MACROD2: variants seen among roughly 807,000 people sequenced by gnomAD.
The protein encoded by MACROD2 is ADP-ribose glycohydrolase MACROD2.
A neutral mutation model predicts 70.4 loss-of-function variants in MACROD2; 36 were observed. The ratio of observed to expected loss-of-function variants is 0.51; its 90% confidence interval spans 0.39 to 0.68. MACROD2 has a LOEUF of 0.68. MACROD2 is among the 30% of genes least tolerant of loss of function. The pLI is 0.00. For synonymous variants in MACROD2, 172 were observed against 178.8 expected (o/e 0.96, Z 0.30); for missense variants, 496 against 538.4 (o/e 0.92, Z 0.78).
intron 6 of MACROD2, among the ~76,000 whole-genome samples, chr20:15,288,635 T>G (rs919589466): frequency 6.6e-6 from 1 of 152,128 alleles, no homozygotes; most frequent in African/African-American, 2.4e-5. Flanking sequence ...GATCCCGTTT[T>G]CTCCTGTCCT....
intron 6 of MACROD2, among the ~76,000 whole-genome samples, chr20:15,277,993 A>G (rs1568687084): frequency 6.6e-6 from 1 of 152,220 alleles, no homozygotes. Flanking sequence ...ATTCAGGAAG[A>G]AAATAAATAA....
intron 4 of MACROD2, among the ~76,000 whole-genome samples, chr20:14,539,249 G>A (rs549720282): frequency 1.3e-5 from 2 of 152,256 alleles, no homozygotes; most frequent in Admixed American, 6.5e-5. Flanking sequence ...TTAGGGGAAG[G>A]AAAAGGCATA....
At chr20:14,070,481 A>G (rs1450671959) in intron 2 of MACROD2, among the ~76,000 whole-genome samples, 1 of 152,102 alleles carries the variant, frequency 6.6e-6, no homozygotes, top group Non-Finnish European at 1.5e-5. Flanking sequence ...CTCTTACCGA[A>G]CCCAAAATTA....
At chr20:14,324,326 G>A (rs1047101440) in intron 3 of MACROD2, 1 of 152,402 alleles carries the variant, frequency 6.6e-6, no homozygotes, top group African/African-American at 2.4e-5. Flanking sequence ...AAAGTGATAT[G>A]GTTTTTCAAC....
intron 10 of MACROD2, among the ~76,000 whole-genome samples, chr20:15,901,580 A>G (rs2065065265): frequency 6.6e-6 from 1 of 152,186 alleles, no homozygotes; most frequent in African/African-American, 2.4e-5. Context: ...CAAAATGCCC[A>G]TCTGTGCAAG....
chr20:14,163,782 C>T (rs78512105), intron 3 of MACROD2, among the ~76,000 whole-genome samples: 3,529 of 151,480 alleles, frequency 0.023, 126 homozygotes, highest in African/African-American at 0.08. Context: ...TTGAATTCTT[C>T]AGCTCCAGAA....
chr20:15,979,637 A>G (rs1365837120), intron 13 of MACROD2, among the ~76,000 whole-genome samples: 2 of 152,180 alleles, frequency 1.3e-5, no homozygotes, highest in African/African-American at 4.8e-5. Context: ...ATAGTTAAGT[A>G]TCCTCAGCAC....
intron 3 of MACROD2, among the ~76,000 whole-genome samples, chr20:14,348,278 A>AAATAAT (rs1555784025): frequency 5.6e-5 from 8 of 143,938 alleles, no homozygotes; most frequent in South Asian, 2.1e-4. Flanking sequence ...CAAAAAAAAA[A>AAATAAT]AAATAAATAA....
chr20:14,057,930 T>G (rs1000008751), intron 2 of MACROD2, among the ~76,000 whole-genome samples: 10 of 152,108 alleles, frequency 6.6e-5, no homozygotes, highest in African/African-American at 2.4e-4. Context: ...CACAAATACT[T>G]ACCGTGTATG....
At chr20:15,613,399 G>C (rs952611143) in intron 8 of MACROD2, among the ~76,000 whole-genome samples, 1 of 152,048 alleles carries the variant, frequency 6.6e-6, no homozygotes, top group Admixed American at 6.6e-5. Context: ...AACTTATTTC[G>C]GTGCCTGTCC....
intron 2 of MACROD2, among the ~76,000 whole-genome samples, chr20:14,028,475 A>G (rs1416054757): frequency 2.6e-5 from 4 of 152,164 alleles, no homozygotes; most frequent in African/African-American, 4.8e-5. Context: ...GGTATGAAAA[A>G]AAACTCCTGC....
rs529326621 is a variant in MACROD2 at position 16,006,129 on chromosome 20, G to T, written c.1153+18971G>T. Among the ~76,000 whole-genome samples the T allele has an allele frequency of 5.8e-4, 88 of 152,246 alleles. 1 individual carries two copies. Among genetic ancestry groups the T allele is most frequent in the African/African-American group, 1.9e-3 (81 of 41,548 alleles). On this transcript the variant is annotated intron_variant, in intron 15 of 17. Transcript: ENST00000684519. ...TTTAGAAGCAAAGACCCTCTCCTCC[G>T]CCCATCCCTCCTTCTTTAGGCACTT... is the stretch of plus-strand genomic sequence containing the variant.
chr20:14,702,673 A>G lies in MACROD2; in HGVS notation c.418+17714A>G, dbSNP rs1396131909. Among the ~76,000 whole-genome samples, 41 of 79,566 alleles carry G rather than the reference A, an allele frequency of 5.2e-4. 4 individuals carry two copies. Among genetic ancestry groups the G allele is most frequent in the African/African-American group, 1.8e-3 (40 of 21,682 alleles). 52.2% of individuals were successfully genotyped at this position (79,566 alleles called of 152,430 possible). ...TACACATATATATGTGTATATATAT[A>G]TACACATATATGTGTATATATATGT... On this transcript the variant is annotated intron_variant, in intron 5 of 17. Coordinates refer to ENST00000684519, the MANE Select transcript of MACROD2 (RefSeq NM_001351661.2).
chr20:15,884,182 C>T (rs2064793573), intron 9 of MACROD2, among the ~76,000 whole-genome samples: 1 of 151,966 alleles, frequency 6.6e-6, no homozygotes, highest in Non-Finnish European at 1.5e-5. Flanking sequence ...ATTTAAAGTC[C>T]ATACCAAGCA....
At chr20:15,008,734 G>T (rs2075059225) in intron 5 of MACROD2, among the ~76,000 whole-genome samples, 1 of 152,150 alleles carries the variant, frequency 6.6e-6, no homozygotes, top group Non-Finnish European at 1.5e-5. Flanking sequence ...AAAGTGGATG[G>T]TATGGCATGA....
At chr20:15,542,319 G>A (rs1292708899) in intron 8 of MACROD2, among the ~76,000 whole-genome samples, 4 of 152,162 alleles carry the variant, frequency 2.6e-5, no homozygotes, top group African/African-American at 7.2e-5. Flanking sequence ...CACAATGATT[G>A]TATAGAGATT....
At chr20:14,479,929 T>C (rs1231208403) in intron 3 of MACROD2, among the ~76,000 whole-genome samples, 1 of 152,140 alleles carries the variant, frequency 6.6e-6, no homozygotes, top group Non-Finnish European at 1.5e-5. Context: ...CAGGATGGAG[T>C]TCAATGGCGC....
At chr20:15,852,870 A>G (rs2064315505) in intron 8 of MACROD2, among the ~76,000 whole-genome samples, 1 of 152,306 alleles carries the variant, frequency 6.6e-6, no homozygotes, top group South Asian at 2.1e-4. Context: ...TTAGCCAGGC[A>G]TGGTGTGGCA....
intron 5 of MACROD2, among the ~76,000 whole-genome samples, chr20:15,204,579 GC>G (rs2076685304): frequency 6.6e-6 from 1 of 152,046 alleles, no homozygotes; most frequent in South Asian, 2.1e-4. Context: ...ATTATGGAGT[GC>G]CCTTTTTCTG....
Sources: allele counts gnomAD v4.1 joint callset (sites outside exome capture counted in the v4.1 genomes callset), GRCh38; gene constraint gnomAD v4.1.1; transcripts MANE v1.5; gene names NCBI Gene and HGNC (gene_info 2026-07-23, HGNC 2026-07-21).